Variants in PTGER4 observed in about 807,000 individuals in gnomAD.
The protein encoded by PTGER4 is prostaglandin E receptor 4.
PTGER4 carries 11 observed loss-of-function variants against 33.2 expected under a neutral mutation model. The ratio of observed to expected loss-of-function variants is 0.33; its 90% CI spans 0.21 to 0.55. PTGER4 has a LOEUF of 0.55. Among genes scored for constraint, PTGER4 ranks in the 20% least tolerant of loss-of-function variants. The pLI is 0.92. For missense variants in PTGER4, 481 were observed against 650.2 expected (o/e 0.74, Z 2.83); for synonymous variants, 275 against 281.5 (o/e 0.98, Z 0.23).
the PTGER4 span, among the ~76,000 whole-genome samples, chr5:40,737,940 T>C: frequency 1.3e-5 from 2 of 152,256 alleles, no homozygotes; most frequent in African/African-American, 2.4e-5. Context: ...TACCACAATT[T>C]ATTCATTCAT....
chr5:40,687,701 T>C (rs927464651), intron 2 of PTGER4, among the ~76,000 whole-genome samples: 2 of 152,240 alleles, frequency 1.3e-5, no homozygotes, highest in Non-Finnish European at 1.5e-5. Context: ...AAACTCATAT[T>C]GATTCTTTTC....
intron 2 of PTGER4, among the ~76,000 whole-genome samples, chr5:40,690,899 C>T (rs1029718608): frequency 1.3e-5 from 2 of 152,198 alleles, no homozygotes; most frequent in African/African-American, 4.8e-5. Flanking sequence ...GACCTGCACT[C>T]ACATTGCATT....
the PTGER4 span, among the ~76,000 whole-genome samples, chr5:40,738,567 T>TAAAATATAAA: frequency 4.8e-3 from 327 of 67,538 alleles, 5 homozygotes; most frequent in Non-Finnish European, 5.2e-3. Context: ...TAAAATAAAA[T>TAAAATATAAA]ATAAAATAAA....
At chr5:40,732,606 AACAGATTTTTTTTT>A in the PTGER4 span, among the ~76,000 whole-genome samples, 1 of 151,898 alleles carries the variant, frequency 6.6e-6, no homozygotes, top group African/African-American at 2.4e-5. Flanking sequence ...GTACTAATAT[AACAGATTTTTTTTT>A]AGACAGTCTT....
chr5:40,688,665 T>G (rs1741390584), intron 2 of PTGER4, among the ~76,000 whole-genome samples: 1 of 152,146 alleles, frequency 6.6e-6, no homozygotes, highest in Non-Finnish European at 1.5e-5. Flanking sequence ...AAAAGGCCTG[T>G]AGAGTTGAGG....
chr5:40,716,983 C>T, the PTGER4 span, among the ~76,000 whole-genome samples: 1 of 152,104 alleles, frequency 6.6e-6, no homozygotes, highest in Non-Finnish European at 1.5e-5. Flanking sequence ...AATCCCAGCA[C>T]TTTGGGAGGC....
chr5:40,698,552 T>C (rs995259968), downstream of PTGER4, among the ~76,000 whole-genome samples: 1 of 152,192 alleles, frequency 6.6e-6, no homozygotes, highest in Non-Finnish European at 1.5e-5. Flanking sequence ...AAAAATATAC[T>C]GTTCTTGGGA....
At chr5:40,684,491 G>A (rs1211244930) in intron 2 of PTGER4, among the ~76,000 whole-genome samples, 2 of 152,150 alleles carry the variant, frequency 1.3e-5, no homozygotes, top group African/African-American at 4.8e-5. Flanking sequence ...AGCAGCCAAG[G>A]TTTTGCCTCC....
At chr5:40,682,312 G>A (rs1237790929) in intron 2 of PTGER4, among the ~76,000 whole-genome samples, 2 of 152,096 alleles carry the variant, frequency 1.3e-5, no homozygotes, top group Non-Finnish European at 2.9e-5. Context: ...AAGGAAAGTG[G>A]GGTTTTTGGT....
the PTGER4 span, chr5:40,728,235 G>C: frequency 1.2e-6 from 1 of 869,118 alleles, no homozygotes. Flanking sequence ...CGTGAGCTGA[G>C]ATTGCACCAC....
At chr5:40,737,368 G>A in the PTGER4 span, among the ~76,000 whole-genome samples, 3 of 150,622 alleles carry the variant, frequency 2.0e-5, no homozygotes, top group Admixed American at 6.6e-5. Flanking sequence ...TACTAAAGAA[G>A]GCTGACAGAG....
chr5:40,685,307 TA>T, intron 2 of PTGER4: 1 of 727,500 alleles, frequency 1.4e-6, no homozygotes, highest in Non-Finnish European at 1.7e-6. Context: ...GTTGTCTCTA[TA>T]AAGCTTTCAC....
chr5:40,697,824 T>G (rs969680749), downstream of PTGER4, among the ~76,000 whole-genome samples: 1 of 151,396 alleles, frequency 6.6e-6, no homozygotes, highest in African/African-American at 2.4e-5. Context: ...ATAAGTATAC[T>G]CATATCAAAT....
the PTGER4 span, among the ~76,000 whole-genome samples, chr5:40,698,842 G>A: frequency 6.6e-6 from 1 of 152,082 alleles, no homozygotes; most frequent in Non-Finnish European, 1.5e-5. Context: ...AGTTGATGAG[G>A]GAAAGTTTTT....
At chr5:40,722,789 G>C in the PTGER4 span, among the ~76,000 whole-genome samples, 76 of 150,222 alleles carry the variant, frequency 5.1e-4, no homozygotes, top group African/African-American at 1.8e-3. Context: ...GGCAGCCCCC[G>C]CCCAGCCAGC....
chr5:40,732,611 A>AT, the PTGER4 span, among the ~76,000 whole-genome samples: 327 of 151,212 alleles, frequency 2.2e-3, 1 homozygote, highest in East Asian at 0.026. Context: ...AATATAACAG[A>AT]TTTTTTTTTA....
At chr5:40,716,047 C>G in the PTGER4 span, 1 of 994,504 alleles carries the variant, frequency 1.0e-6, no homozygotes, top group East Asian at 2.6e-5. Flanking sequence ...ATTTTACAAC[C>G]AGGCGTTCTC....
At chr5:40,732,774 A>G in the PTGER4 span, among the ~76,000 whole-genome samples, 2 of 151,988 alleles carry the variant, frequency 1.3e-5, no homozygotes, top group Admixed American at 1.3e-4. Context: ...ACACCTGGCT[A>G]ATTTTTGTTT....
chr5:40,687,852 T>G (rs1409906324), intron 2 of PTGER4, among the ~76,000 whole-genome samples: 3 of 152,128 alleles, frequency 2.0e-5, no homozygotes, highest in Non-Finnish European at 2.9e-5. Context: ...AATTGTAAAC[T>G]TTTCCTCCCC....
Sources: gnomAD v4.1 joint callset for allele counts (sites outside exome capture counted in the v4.1 genomes callset) on GRCh38, gnomAD v4.1.1 for gene constraint, MANE v1.5 for transcripts, NCBI Gene and HGNC (gene_info 2026-07-23, HGNC 2026-07-21) for gene names.